The following TSHR variants were observed in gnomAD, a reference collection of about 807,000 sequenced individuals.
The protein encoded by TSHR is thyrotropin receptor.
TSHR carries 51 observed loss-of-function variants against 64.1 expected under a neutral mutation model. That is an observed-to-expected ratio of 0.80 (90% confidence interval 0.64 to 1.01). The LOEUF (loss-of-function observed/expected upper bound fraction) is 1.01, where lower values mean the gene tolerates loss of function less well. Among genes scored for constraint, TSHR ranks in the 50% least tolerant of loss-of-function variants. The pLI is 0.00. For synonymous variants in TSHR, 361 were observed against 361.9 expected (o/e 1.00, Z 0.03); for missense variants, 877 against 942.8 (o/e 0.93, Z 0.91).
At chr14:81,109,673 A>T (rs117253034) in intron 8 of TSHR, among the ~76,000 whole-genome samples, 2,683 of 152,224 alleles carry the variant, frequency 0.018, 48 homozygotes, top group Non-Finnish European at 0.026. Flanking sequence ...TCACTCTTTC[A>T]CCTTTAACAA....
intron 1 of TSHR, among the ~76,000 whole-genome samples, chr14:81,059,779 T>C (rs1029306387): frequency 6.6e-6 from 1 of 152,060 alleles, no homozygotes; most frequent in Non-Finnish European, 1.5e-5. Flanking sequence ...GGGAAAAATA[T>C]CTTGTTTGTG....
intron 1 of TSHR, among the ~76,000 whole-genome samples, chr14:81,055,815 C>A (rs947274590): frequency 2.3e-4 from 35 of 152,304 alleles, no homozygotes; most frequent in African/African-American, 7.5e-4. Context: ...TTTGATTTTA[C>A]AGGCTCATAG....
intron 1 of TSHR, among the ~76,000 whole-genome samples, chr14:81,003,996 G>C (rs1207279071): frequency 6.6e-6 from 1 of 152,046 alleles, no homozygotes; most frequent in Non-Finnish European, 1.5e-5. Flanking sequence ...TGACCTTTTT[G>C]CCCATAACCC....
intron 1 of TSHR, among the ~76,000 whole-genome samples, chr14:80,980,063 C>T (rs72693072): frequency 0.27 from 41,319 of 152,002 alleles, 6,519 homozygotes; most frequent in South Asian, 0.38. Context: ...TTACTAGTTT[C>T]CCTCCACTTT....
intron 3 of TSHR, among the ~76,000 whole-genome samples, chr14:81,083,110 C>T (rs1334127389): frequency 2.0e-5 from 3 of 152,154 alleles, no homozygotes; most frequent in Non-Finnish European, 1.5e-5. Context: ...CTGAGAACTC[C>T]CTTCTCTCAT....
At position 81,143,855 on chromosome 14, in the gene TSHR, C is replaced by T. The variant is rs772350634; in HGVS notation, c.1797C>T (p.Cys599=). 3 of 1,613,894 alleles carry T rather than the reference C, an allele frequency of 1.9e-6. No individual in the cohort carries two copies. In the African/African-American group the frequency reaches 4.0e-5, roughly 22 times the overall value. ...TAGTTGCCTTCGTCATCGTCTGCTG[C>T]TGTTATGTGAAGATCTACATCACAG... is the stretch of plus-strand genomic sequence containing the variant. The part of the protein sequence containing the change: ...LNIVAFVIVC[C]CYVKIYITVR... Residue 599 remains cysteine (C), a synonymous_variant, in exon 10 of 10, where the codon TGC becomes TGT. Coordinates refer to ENST00000298171, the MANE Select transcript of TSHR (RefSeq NM_000369.5).
chr14:81,085,848 C>T (rs1888247429), intron 3 of TSHR, among the ~76,000 whole-genome samples: 1 of 152,042 alleles, frequency 6.6e-6, no homozygotes, highest in Non-Finnish European at 1.5e-5. Context: ...TATTGCTCAC[C>T]CTGGAAAGAG....
chr14:80,982,250 T>G, intron 1 of TSHR: 1 of 671,868 alleles, frequency 1.5e-6, no homozygotes, highest in East Asian at 3.2e-5. Context: ...ACTGGAGATT[T>G]CAGTCCCGAG....
intron 3 of TSHR, among the ~76,000 whole-genome samples, chr14:81,086,238 T>C (rs1299378151): frequency 6.6e-6 from 1 of 152,196 alleles, no homozygotes; most frequent in East Asian, 1.9e-4. Context: ...CCTGGAATTG[T>C]AGTTATGTTA....
chr14:81,020,286 AC>A (rs1678697740), intron 1 of TSHR, among the ~76,000 whole-genome samples: 1 of 152,164 alleles, frequency 6.6e-6, no homozygotes, highest in Non-Finnish European at 1.5e-5. Context: ...GGAGTCCCCA[AC>A]CCTGGGGCCA....
At chr14:81,066,457 AG>A (rs1275244317) in intron 2 of TSHR, among the ~76,000 whole-genome samples, 1 of 152,192 alleles carries the variant, frequency 6.6e-6, no homozygotes, top group African/African-American at 2.4e-5. Context: ...CAAGAGGCAA[AG>A]GGTTAAGAGA....
chr14:81,138,956 C>T (rs1164470149), intron 8 of TSHR, among the ~76,000 whole-genome samples: 1 of 152,152 alleles, frequency 6.6e-6, no homozygotes, highest in Admixed American at 6.5e-5. Flanking sequence ...ACTAATGCCA[C>T]GAATTCATTC....
At chr14:81,033,561 T>G (rs1167997306) in intron 1 of TSHR, among the ~76,000 whole-genome samples, 2 of 151,908 alleles carry the variant, frequency 1.3e-5, no homozygotes. Context: ...ATCAGGGTTT[T>G]TTTTTTTTTC....
intron 1 of TSHR, among the ~76,000 whole-genome samples, chr14:80,981,062 CTG>C (rs1307288272): frequency 6.6e-6 from 1 of 152,152 alleles, no homozygotes; most frequent in Admixed American, 6.5e-5. Context: ...AGTTTGAAAA[CTG>C]TGAGATCTTA....
At chr14:80,974,467 G>C (rs888771996) in intron 1 of TSHR, among the ~76,000 whole-genome samples, 3 of 152,144 alleles carry the variant, frequency 2.0e-5, no homozygotes. Context: ...AATCCTGTTA[G>C]TACTGCCAAA....
rs536773762 is a variant in TSHR, at chr14:81,053,412, C to T, written c.171-8736C>T. ...ATCCCATGACCCAATCAAGCTAACA[C>T]ATAAAATTAAGCATTATACTTGTGT... On this transcript the variant is annotated intron_variant, in intron 1 of 9. Coordinates refer to ENST00000298171, the MANE Select transcript of TSHR (RefSeq NM_000369.5). The T allele has an allele frequency of 2.4e-4, 36 of 152,292 alleles. 1 individual carries two copies. Among genetic ancestry groups the T allele is most frequent in the Middle Eastern group, 3.4e-3 (1 of 294 alleles). 9.4% of individuals were successfully genotyped at this position (152,292 alleles called of 1,614,324 possible).
At chr14:81,114,181 A>G (rs1890363936) in intron 8 of TSHR, among the ~76,000 whole-genome samples, 1 of 151,396 alleles carries the variant, frequency 6.6e-6, no homozygotes, top group Admixed American at 6.6e-5. Context: ...AGGAGCCAAG[A>G]TGGCCGAATA....
intron 8 of TSHR, among the ~76,000 whole-genome samples, chr14:81,122,201 C>A (rs1164182405): frequency 1.3e-5 from 2 of 151,026 alleles, no homozygotes; most frequent in Non-Finnish European, 3.0e-5. Context: ...CAACACCATA[C>A]CTGGCTAATT....
At chr14:81,063,214 T>C (rs980932206) in intron 2 of TSHR, among the ~76,000 whole-genome samples, 1 of 152,124 alleles carries the variant, frequency 6.6e-6, no homozygotes, top group Non-Finnish European at 1.5e-5. Context: ...TTTTCCTTGA[T>C]ATTGCTCTCT....
Sources: allele counts gnomAD v4.1 joint callset (sites outside exome capture counted in the v4.1 genomes callset), GRCh38; gene constraint gnomAD v4.1.1; transcripts MANE v1.5; gene names NCBI Gene and HGNC (gene_info 2026-07-23, HGNC 2026-07-21).